DLG2: variants seen among roughly 807,000 people sequenced by gnomAD.
DLG2 encodes the protein discs large MAGUK scaffold protein 2, also known as disks large homolog 2.
Under a neutral mutation model 132.5 loss-of-function variants are expected in DLG2, and 45 were observed. The ratio of observed to expected loss-of-function variants is 0.34; its 90% CI spans 0.27 to 0.44. The LOEUF (loss-of-function observed/expected upper bound fraction) is 0.44, where lower values mean the gene tolerates loss of function less well. Ranked by LOEUF, DLG2 falls within the 20% of genes least tolerant of loss-of-function variation. The pLI, the probability that DLG2 is intolerant of heterozygous loss-of-function variation, is 1.00. For missense variants in DLG2, 1,045 were observed against 1,196.9 expected, an observed-to-expected ratio of 0.87 and a Z score of 1.87; for synonymous variants, 424 against 419.6, an observed-to-expected ratio of 1.01 and a Z score of -0.13.
intron 7 of DLG2, among the ~76,000 whole-genome samples, chr11:84,483,489 A>AACTT (rs1279077163): frequency 6.6e-6 from 1 of 151,944 alleles, no homozygotes; most frequent in African/African-American, 2.4e-5. Flanking sequence ...AGCAGAAAGA[A>AACTT]ACTTAATGCT....
At chr11:85,424,083 G>C (rs2090529054) in intron 3 of DLG2, among the ~76,000 whole-genome samples, 1 of 152,146 alleles carries the variant, frequency 6.6e-6, no homozygotes, top group Non-Finnish European at 1.5e-5. Context: ...GGCTTGCTAG[G>C]GGACCCATTG....
chr11:84,485,784 T>A (rs936660981), intron 7 of DLG2, among the ~76,000 whole-genome samples: 2 of 152,162 alleles, frequency 1.3e-5, no homozygotes, highest in African/African-American at 4.8e-5. Context: ...TTTCTTTTAT[T>A]ATTTTGTGTT....
chr11:84,555,631 A>G (rs563608147), intron 6 of DLG2, among the ~76,000 whole-genome samples: 10 of 152,302 alleles, frequency 6.6e-5, no homozygotes, highest in Admixed American at 1.3e-4. Flanking sequence ...CAGAAACAGA[A>G]AGTAAAATGG....
Position 83,857,817 on chromosome 11 carries a change from CT to C in DLG2, c.1565+16602del, listed in dbSNP as rs34112412. 3.6e-3 allele frequency among the ~76,000 whole-genome samples: 516 copies of C among 145,310 alleles called. 2 individuals are homozygous for C. Among genetic ancestry groups the C allele is most frequent in the African/African-American group, 6.4e-3 (254 of 39,450 alleles). On this transcript the variant is annotated intron_variant, in intron 16 of 27. Transcript: ENST00000376104. ...ATGAGAATTTTCTACATTTTCTGCT[CT>C]TTTTTTTTTTTTTACTATGAACCTA...
intron 3 of DLG2, among the ~76,000 whole-genome samples, chr11:85,309,804 C>G (rs2080199511): frequency 6.6e-6 from 1 of 152,142 alleles, no homozygotes; most frequent in African/African-American, 2.4e-5. Context: ...TCATCTTACC[C>G]TGATTCCTGC....
intron 21 of DLG2, among the ~76,000 whole-genome samples, chr11:83,495,182 G>T (rs11606908): frequency 0.048 from 7,333 of 152,136 alleles, 191 homozygotes; most frequent in Middle Eastern, 0.11. Flanking sequence ...TGGTGGCAGT[G>T]GGCAGGGTCT....
At chr11:84,680,271 T>C (rs1277441978) in intron 6 of DLG2, among the ~76,000 whole-genome samples, 1 of 152,122 alleles carries the variant, frequency 6.6e-6, no homozygotes, top group Non-Finnish European at 1.5e-5. Context: ...CTATCCCTTT[T>C]ACCCTGTCAC....
intron 16 of DLG2, among the ~76,000 whole-genome samples, chr11:83,857,913 C>T (rs1037852697): frequency 1.2e-4 from 18 of 151,644 alleles, no homozygotes; most frequent in Admixed American, 9.2e-4. Flanking sequence ...CTCCTATGTC[C>T]TAAATACCTG....
intron 21 of DLG2, among the ~76,000 whole-genome samples, chr11:83,520,112 A>G (rs2095425022): frequency 1.3e-5 from 2 of 152,350 alleles, no homozygotes; most frequent in South Asian, 4.1e-4. Context: ...CGTGTTAGTA[A>G]AATCTTTACA....
chr11:85,448,210 A>AAAG (rs558640586), intron 3 of DLG2, among the ~76,000 whole-genome samples: 133 of 152,334 alleles, frequency 8.7e-4, no homozygotes, highest in African/African-American at 3.1e-3. Context: ...CCCTATCAGA[A>AAAG]AAGGATATCA....
Position 83,455,372 on chromosome 11 carries a change from T to C in DLG2, c.*4446A>G, listed in dbSNP as rs1266280672. On this transcript the variant is annotated 3_prime_UTR_variant, in exon 28 of 28. Coordinates refer to ENST00000376104, the MANE Select transcript of DLG2 (RefSeq NM_001142699.3). ...CAGAGAGAAGCACAAAACTGTCATA[T>C]TGAAAGGATCTAACGGGTACAGCCT... is the stretch of plus-strand genomic sequence containing the variant. 1.6e-4 allele frequency: 24 copies of C among 152,502 alleles called. 1 individual carries two copies. The highest frequency in any genetic ancestry group is 1.4e-3 in the Admixed American group (22 of 15,278). 9.4% of individuals were successfully genotyped at this position (152,502 alleles called of 1,614,324 possible). A position where few individuals can be genotyped will look rare whatever the true frequency, so the allele number is the denominator to read the frequency against.
chr11:84,590,461 G>C (rs1385241638), intron 6 of DLG2, among the ~76,000 whole-genome samples: 1 of 152,142 alleles, frequency 6.6e-6, no homozygotes, highest in Non-Finnish European at 1.5e-5. Flanking sequence ...TTCATGCTTT[G>C]TAATAGGCAG....
intron 6 of DLG2, chr11:85,021,657 G>A: frequency 8.6e-7 from 1 of 1,163,798 alleles, no homozygotes; most frequent in Non-Finnish European, 1.3e-6. Context: ...TAGCCATTGT[G>A]TTTGATGATA....
intron 9 of DLG2, among the ~76,000 whole-genome samples, 200 bp downstream of exon 9, chr11:84,163,261 T>A (rs1394409272): frequency 2.0e-5 from 3 of 152,180 alleles, no homozygotes; most frequent in African/African-American, 7.2e-5. Flanking sequence ...GAAATTTACA[T>A]ACTAAACATT....
At chr11:85,099,528 C>A (rs1045661471) in intron 6 of DLG2, among the ~76,000 whole-genome samples, 1 of 152,116 alleles carries the variant, frequency 6.6e-6, no homozygotes, top group African/African-American at 2.4e-5. Context: ...ATAATTATTA[C>A]TAAGAGTATA....
At chr11:84,320,944 A>G (rs1242307101) in intron 7 of DLG2, among the ~76,000 whole-genome samples, 1 of 152,212 alleles carries the variant, frequency 6.6e-6, no homozygotes, top group East Asian at 1.9e-4. Context: ...TAGTATCACA[A>G]ATACAGAAAT....
intron 6 of DLG2, among the ~76,000 whole-genome samples, chr11:84,761,391 T>C (rs1020010058): frequency 6.6e-6 from 1 of 152,152 alleles, no homozygotes; most frequent in African/African-American, 2.4e-5. Flanking sequence ...GTGTCAACTT[T>C]ATTGGATTGA....
At chr11:85,353,657 T>C (rs898013158) in intron 3 of DLG2, among the ~76,000 whole-genome samples, 2 of 152,036 alleles carry the variant, frequency 1.3e-5, no homozygotes, top group African/African-American at 2.4e-5. Flanking sequence ...ACTATGCAGC[T>C]ATAAAGAAGG....
chr11:85,522,715 G>A (rs759357751), intron 3 of DLG2, among the ~76,000 whole-genome samples: 1 of 152,230 alleles, frequency 6.6e-6, no homozygotes, highest in East Asian at 1.9e-4. Flanking sequence ...TTCAATGACT[G>A]TTCTGTTGGA....
Sources: gnomAD v4.1 joint callset for allele counts (sites outside exome capture counted in the v4.1 genomes callset) on GRCh38, gnomAD v4.1.1 for gene constraint, MANE v1.5 for transcripts, NCBI Gene and HGNC (gene_info 2026-07-23, HGNC 2026-07-21) for gene names.